The following DSTYK variants were observed in gnomAD, a reference collection of about 807,000 sequenced individuals.
DSTYK encodes dual serine/threonine and tyrosine protein kinase.
Under a neutral mutation model 98.7 loss-of-function variants are expected in DSTYK, and 34 were observed. The ratio of observed to expected loss-of-function variants is 0.34; its 90% confidence interval spans 0.26 to 0.46. The LOEUF (loss-of-function observed/expected upper bound fraction) is 0.46, where lower values mean the gene tolerates loss of function less well. Among genes scored for constraint, DSTYK ranks in the 20% least tolerant of loss-of-function variants. The probability of loss-of-function intolerance (pLI) is 1.00; values close to 1 mark genes in which losing one functional copy is unlikely to be tolerated. For missense variants in DSTYK, 962 were observed against 1,181.7 expected, an observed-to-expected ratio of 0.81 and a Z score of 2.73; for synonymous variants, 462 against 457.3, an observed-to-expected ratio of 1.01 and a Z score of -0.13.
chr1:205,174,780 C>G (rs955670882), intron 2 of DSTYK, among the ~76,000 whole-genome samples: 7 of 143,904 alleles, frequency 4.9e-5, no homozygotes, highest in African/African-American at 1.8e-4. Flanking sequence ...CTCTTGTTGC[C>G]CAGGCTGGAG....
chr1:205,189,461 T>C (rs1324259358), intron 1 of DSTYK, among the ~76,000 whole-genome samples: 1 of 152,216 alleles, frequency 6.6e-6, no homozygotes, highest in Non-Finnish European at 1.5e-5. Flanking sequence ...AACACATCCA[T>C]CATAACTGAA....
chr1:205,162,928 T>C lies in DSTYK; in HGVS notation c.1636A>G (p.Lys546Glu). ...SVTRMLWEQI[K>E]QIIQRITWVS... ...CTCTAAGTAATAATCCCTACCTGTT[T>C]GATTTGCTCCCATAGCATCCTTGTA... is the stretch of plus-strand genomic sequence containing the variant. Residue 546 changes from lysine (K) to glutamate (E), a missense_variant, in exon 5 of 13, where the codon AAA (lysine) becomes GAA (glutamate). Physicochemically the swap from Lys to Glu is moderately conservative, Grantham distance 56. Around this residue, in one of 4 missense-constraint regions of DSTYK, gnomAD observed 660 missense variants for 855.0 expected, o/e 0.77. Transcript: ENST00000367162. 1 of 1,612,590 alleles carries C rather than the reference T, an allele frequency of 6.2e-7. No homozygotes were observed. The highest frequency in any genetic ancestry group is 8.5e-7 in the Non-Finnish European group (1 of 1,178,544).
At position 205,187,503 on chromosome 1, in the gene DSTYK, T is replaced by G. The variant is rs199548630; in HGVS notation, c.569A>C (p.Glu190Ala). 1,360 of 1,614,088 alleles carry G rather than the reference T, an allele frequency of 8.4e-4. 3 individuals carry two copies. The highest frequency in any genetic ancestry group is 1.1e-3 in the Non-Finnish European group (1,328 of 1,180,036). Residue 190 changes from glutamate (E) to alanine (A), a missense_variant, in exon 2 of 13, where the codon GAG (glutamate) becomes GCG (alanine). Glu to Ala is a moderately radical substitution (Grantham distance 107). This residue lies in a region of DSTYK where 660 missense variants were observed against 855.0 expected (regional missense o/e 0.77). Transcript: ENST00000367162. ...ATTGTTCTCTTGGACCTCCAGATCC[T>G]CCTCAGGGATGGTCTCCCAGTTGCC... is the stretch of plus-strand genomic sequence containing the variant. ...HQGNWETIPEEDLEVQENNED... is the reference protein window; with the variant it reads ...HQGNWETIPEADLEVQENNED...
intron 8 of DSTYK, 93 bp from the exon 9 acceptor site, chr1:205,159,772 G>A: frequency 5.9e-6 from 9 of 1,519,796 alleles, no homozygotes; most frequent in Non-Finnish European, 8.1e-6. Flanking sequence ...TCCAGACCAT[G>A]CTTAGGACAG....
Position 205,210,048 on chromosome 1 carries a change from C to T in DSTYK, c.265+1223G>A, listed in dbSNP as rs1306303724. Among the ~76,000 whole-genome samples the T allele has an allele frequency of 3.9e-5, 6 of 152,010 alleles. No individual in the cohort carries two copies. In the East Asian group the frequency reaches 1.2e-3, roughly 29 times the overall value. On this transcript the variant is annotated intron_variant, in intron 1 of 12. Coordinates refer to ENST00000367162, the MANE Select transcript of DSTYK (RefSeq NM_015375.3). ...CCCCAGTGGCTGAGATTACAGGCCT[C>T]AACCACCACACCTGGCTAGTTTCTT...
rs549327828 is a variant in DSTYK, at chr1:205,209,250, A to C, written c.265+2021T>G. 2.8e-3 allele frequency among the ~76,000 whole-genome samples: 427 copies of C among 152,368 alleles called. 1 individual carries two copies. Among genetic ancestry groups the C allele is most frequent in the Non-Finnish European group, 4.6e-3 (315 of 68,042 alleles). On this transcript the variant is annotated intron_variant, in intron 1 of 12. Transcript: ENST00000367162. ...CTAAAATAAATAGTTGTTTTAAAATAAAAACAGCAATAAAGGGCTTTTTAA... is the reference window on the plus strand; with the variant it reads ...CTAAAATAAATAGTTGTTTTAAAATCAAAACAGCAATAAAGGGCTTTTTAA...
chr1:205,158,197 G>A (rs2102394250), intron 9 of DSTYK, among the ~76,000 whole-genome samples: 1 of 152,292 alleles, frequency 6.6e-6, no homozygotes, highest in African/African-American at 2.4e-5. Context: ...ATCAGACAAT[G>A]CTTAACTCCT....
At chr1:205,208,886 C>T (rs1659282902) in intron 1 of DSTYK, among the ~76,000 whole-genome samples, 1 of 152,154 alleles carries the variant, frequency 6.6e-6, no homozygotes. Context: ...TTAAGTGTCC[C>T]TTCACTAACT....
At chr1:205,209,914 T>C (rs1659321955) in intron 1 of DSTYK, among the ~76,000 whole-genome samples, 2 of 151,690 alleles carry the variant, frequency 1.3e-5, no homozygotes, top group Non-Finnish European at 2.9e-5. Flanking sequence ...ATTATTATTA[T>C]TATTGAGACA....
intron 4 of DSTYK, 61 bp downstream of exon 4, chr1:205,163,662 T>C: frequency 7.4e-7 from 1 of 1,343,368 alleles, no homozygotes; most frequent in Non-Finnish European, 1.0e-6. Context: ...AAGTGTGGAC[T>C]TGTGCAGATT....
intron 10 of DSTYK, among the ~76,000 whole-genome samples, chr1:205,155,393 G>A (rs1414360367): frequency 1.3e-5 from 2 of 152,048 alleles, no homozygotes; most frequent in Non-Finnish European, 2.9e-5. Context: ...TTCTCGCTGG[G>A]TGCAGTGCCT....
In DSTYK at chr1:205,202,787, A is replaced by C. The variant is rs1574802199; in HGVS notation, c.265+8484T>G. 6.7e-6 allele frequency: 4 copies of C among 595,028 alleles called. No individual in the cohort carries two copies. The East Asian group carries it at 1.2e-4, about 18-fold the overall frequency. 36.9% of individuals were successfully genotyped at this position (595,028 alleles called of 1,614,324 possible). A position where few individuals can be genotyped will look rare whatever the true frequency, so the allele number is the denominator to read the frequency against. ...TACAATTAAATATTTTTTTAAAAAA[A>C]GGAAAGAAAAGAAAGTAAATAAAGG... On this transcript the variant is annotated intron_variant, in intron 1 of 12. Transcript: ENST00000367162.
chr1:205,178,343 T>G (rs973412318), intron 2 of DSTYK, among the ~76,000 whole-genome samples: 3 of 152,026 alleles, frequency 2.0e-5, no homozygotes, highest in African/African-American at 4.8e-5. Context: ...CTCTATGCAT[T>G]CTACCTAATG....
At chr1:205,202,291 A>T in intron 1 of DSTYK, 1 of 654,280 alleles carries the variant, frequency 1.5e-6, no homozygotes. Flanking sequence ...GACACTTCTC[A>T]GGCCATCAAG....
At chr1:205,180,703 G>A (rs1413436848) in intron 2 of DSTYK, among the ~76,000 whole-genome samples, 3 of 152,118 alleles carry the variant, frequency 2.0e-5, no homozygotes, top group South Asian at 2.1e-4. Flanking sequence ...GAACTCAAGC[G>A]CTCTGCCTGC....
Position 205,161,377 on chromosome 1 carries a change from C to T in DSTYK, c.1829G>A (p.Gly610Asp). Residue 610 changes from glycine to aspartate, a missense_variant, in exon 7 of 13, where the codon GGC becomes GAC. Coordinates refer to ENST00000367162, the MANE Select transcript of DSTYK (RefSeq NM_015375.3). ...FAASLRQLEA[G>D]HSGRLEKTED... The stretch of plus-strand genomic sequence containing the variant: ...CGTTTTCTCTAACCGGCCTGAGTGG[C>T]CAGCTTCCAGCTGGGAGAGAAACAG... 6 of 1,614,048 alleles carry T rather than the reference C, an allele frequency of 3.7e-6. No homozygotes were observed. Among genetic ancestry groups the T allele is most frequent in the Non-Finnish European group, 5.1e-6 (6 of 1,179,950 alleles).
rs777287420 is a variant in DSTYK, at chr1:205,162,113, A to G, written c.1741T>C (p.Leu581=). ...EAIESLSASK[L]AKSICSQFRT... is the part of the protein sequence containing the mutation. The stretch of plus-strand genomic sequence containing the variant: ...AATTGGCTGCAAATGCTCTTAGCCA[A>G]TTTGGAGGCGCTGAGGCTCTCAATG... Residue 581 remains leucine (L), a synonymous_variant, in exon 6 of 13, where the codon TTG becomes CTG. Coordinates refer to ENST00000367162, the MANE Select transcript of DSTYK (RefSeq NM_015375.3). 1 of 1,614,138 alleles carries G rather than the reference A, an allele frequency of 6.2e-7. No homozygotes were observed. The highest frequency in any genetic ancestry group is 1.7e-5 in the Admixed American group (1 of 60,014).
At chr1:205,163,618 CA>C (rs1657800794) in intron 4 of DSTYK, 104 bp downstream of exon 4, 1 of 942,358 alleles carries the variant, frequency 1.1e-6, no homozygotes, top group African/African-American at 1.7e-5. Context: ...ACAAGATTCG[CA>C]AGAAGCTGAA....
intron 1 of DSTYK, among the ~76,000 whole-genome samples, chr1:205,201,049 G>A: frequency 6.6e-6 from 1 of 152,014 alleles, no homozygotes; most frequent in Non-Finnish European, 1.5e-5. Context: ...GGGATTACAG[G>A]CACGTGCCAC....
Sources: gnomAD v4.1 joint callset for allele counts (sites outside exome capture counted in the v4.1 genomes callset) on GRCh38, gnomAD v4.1.1 for gene constraint, gnomAD v4.1.1 regional missense constraint, MANE v1.5 for transcripts, NCBI Gene and HGNC (gene_info 2026-07-23, HGNC 2026-07-21) for gene names.